Variants in SOCS6 observed in about 807,000 individuals in gnomAD.
The protein encoded by SOCS6 is suppressor of cytokine signaling 6.
A neutral mutation model predicts 27.7 loss-of-function variants in SOCS6; 5 were observed. The observed-to-expected ratio is 0.18, with a 90% CI of 0.09 to 0.38. The LOEUF is 0.38. Among genes scored for constraint, SOCS6 ranks in the 10% least tolerant of loss-of-function variants. The probability of loss-of-function intolerance (pLI) is 1.00; values close to 1 mark genes in which losing one functional copy is unlikely to be tolerated. For synonymous variants in SOCS6, 271 were observed against 260.0 expected (o/e 1.04, Z -0.41); for missense variants, 595 against 688.1 (o/e 0.86, Z 1.51).
At chr18:70,322,398 T>G (rs1407977234) in intron 1 of SOCS6, among the ~76,000 whole-genome samples, 1 of 152,222 alleles carries the variant, frequency 6.6e-6, no homozygotes, top group Non-Finnish European at 1.5e-5. Context: ...TCTTTAATAT[T>G]AGTATTGATT....
intron 1 of SOCS6, among the ~76,000 whole-genome samples, chr18:70,293,655 ACAGTCTCT>A (rs1339099229): frequency 6.6e-6 from 1 of 152,204 alleles, no homozygotes; most frequent in Non-Finnish European, 1.5e-5. Context: ...ACTAAGGAAG[ACAGTCTCT>A]CATGGGGATG....
intron 1 of SOCS6, among the ~76,000 whole-genome samples, chr18:70,307,179 C>G (rs949981578): frequency 3.9e-5 from 6 of 152,164 alleles, no homozygotes; most frequent in African/African-American, 1.4e-4. Context: ...GGGAGGATCA[C>G]TTGAGCCTGA....
At position 70,303,818 on chromosome 18, in the gene SOCS6, A is replaced by G. The variant is rs1368724049; in HGVS notation, c.-127+14728A>G. Among the ~76,000 whole-genome samples the G allele has an allele frequency of 4.6e-5, 7 of 152,342 alleles. No homozygotes were observed. The South Asian group carries it at 1.2e-3, about 27-fold the overall frequency. On this transcript the variant is annotated intron_variant, in intron 1 of 1. Transcript: ENST00000397942. ...CTAATAATAATAAATTTTTTAAAAA[A>G]GACACTTTCAGGCAATCAATACAAC...
intron 1 of SOCS6, among the ~76,000 whole-genome samples, chr18:70,307,147 C>T (rs2062372846): frequency 6.6e-6 from 1 of 152,156 alleles, no homozygotes. Context: ...CCTGTAGTCC[C>T]AGCTATTTGG....
At chr18:70,291,556 C>T (rs188837856) in intron 1 of SOCS6, among the ~76,000 whole-genome samples, 85 of 152,296 alleles carry the variant, frequency 5.6e-4, no homozygotes, top group Middle Eastern at 3.4e-3. Context: ...AAAGTCCAAA[C>T]ATATAGATGG....
intron 1 of SOCS6, among the ~76,000 whole-genome samples, chr18:70,294,384 A>G (rs928689809): frequency 2.0e-5 from 3 of 151,656 alleles, no homozygotes; most frequent in Admixed American, 1.3e-4. Context: ...AGTTCCCTCA[A>G]TTTTTCTTTT....
intron 1 of SOCS6, among the ~76,000 whole-genome samples, chr18:70,315,469 A>ATT (rs1450572498): frequency 2.0e-5 from 3 of 152,258 alleles, no homozygotes; most frequent in African/African-American, 7.2e-5. Flanking sequence ...TTTTCATAGA[A>ATT]TTTTCAAAGT....
At chr18:70,294,522 A>T (rs899544787) in intron 1 of SOCS6, among the ~76,000 whole-genome samples, 3 of 152,196 alleles carry the variant, frequency 2.0e-5, no homozygotes, top group Non-Finnish European at 4.4e-5. Context: ...TTTAAAACAT[A>T]ATCTGACTAG....
intron 1 of SOCS6, among the ~76,000 whole-genome samples, chr18:70,308,757 G>A (rs765120706): frequency 6.6e-6 from 1 of 152,094 alleles, no homozygotes; most frequent in Non-Finnish European, 1.5e-5. Context: ...AAGTGCATAT[G>A]TGTTTACAAT....
rs1911216561 is a variant in SOCS6, at chr18:70,326,545, A to G, written c.*269A>G. 3 of 402,502 alleles carry G rather than the reference A, an allele frequency of 7.5e-6. No individual in the cohort carries two copies. The highest frequency in any genetic ancestry group is 1.4e-5 in the Non-Finnish European group (3 of 216,686). 24.9% of individuals were successfully genotyped at this position (402,502 alleles called of 1,614,324 possible). A position where few individuals can be genotyped will look rare whatever the true frequency, so the allele number is the denominator to read the frequency against. On this transcript the variant is annotated 3_prime_UTR_variant, in exon 2 of 2. Coordinates refer to ENST00000397942, the MANE Select transcript of SOCS6 (RefSeq NM_004232.4). ...AGAATAATCACAATGTGAATTATCA[A>G]ATTCTCCTCAATGCCCCCCCCGCCC...
chr18:70,318,740 A>G (rs1910866212), intron 1 of SOCS6, among the ~76,000 whole-genome samples: 1 of 152,120 alleles, frequency 6.6e-6, no homozygotes, highest in Non-Finnish European at 1.5e-5. Flanking sequence ...GTTTGAGACC[A>G]GCCTGGCCAA....
chr18:70,323,456 T>C (rs1911062464), intron 1 of SOCS6, among the ~76,000 whole-genome samples: 1 of 152,204 alleles, frequency 6.6e-6, no homozygotes, highest in Non-Finnish European at 1.5e-5. Flanking sequence ...TTTCTGGATA[T>C]AGAAGTAAAA....
intron 1 of SOCS6, among the ~76,000 whole-genome samples, chr18:70,302,830 G>A (rs2062354368): frequency 6.6e-6 from 1 of 152,082 alleles, no homozygotes; most frequent in Non-Finnish European, 1.5e-5. Flanking sequence ...AAGAGGAGGA[G>A]GCTGTCTAGG....
At chr18:70,299,401 C>G (rs1319226946) in intron 1 of SOCS6, among the ~76,000 whole-genome samples, 3 of 152,192 alleles carry the variant, frequency 2.0e-5, no homozygotes, top group African/African-American at 7.2e-5. Context: ...GTGCACGGAG[C>G]AAGCACGGGG....
chr18:70,321,366 G>A (rs1410322533), intron 1 of SOCS6, among the ~76,000 whole-genome samples: 1 of 121,898 alleles, frequency 8.2e-6, no homozygotes, highest in African/African-American at 3.0e-5. Context: ...TGTTGCCCAG[G>A]CTGGAGTGCA....
chr18:70,321,633 C>T (rs1008295173), intron 1 of SOCS6, among the ~76,000 whole-genome samples: 5 of 151,826 alleles, frequency 3.3e-5, no homozygotes, highest in Non-Finnish European at 7.4e-5. Context: ...CCCCGCCTCT[C>T]GGTTTTATTT....
intron 1 of SOCS6, among the ~76,000 whole-genome samples, chr18:70,310,468 GTTTT>G (rs1306876861): frequency 9.6e-6 from 1 of 104,612 alleles, no homozygotes. Context: ...TTTTTGTGGG[GTTTT>G]TTTTTTTTTT....
At chr18:70,309,954 G>C (rs1600158273) in intron 1 of SOCS6, among the ~76,000 whole-genome samples, 3 of 152,290 alleles carry the variant, frequency 2.0e-5, no homozygotes, top group Middle Eastern at 3.4e-3. Context: ...CCAGAATGCT[G>C]GGTTTACAGG....
intron 1 of SOCS6, among the ~76,000 whole-genome samples, chr18:70,294,736 A>C (rs571144609): frequency 1.3e-5 from 2 of 152,342 alleles, no homozygotes; most frequent in Admixed American, 6.5e-5. Context: ...CAGTGTTAGC[A>C]GCAATTGCCT....
Sources: gnomAD v4.1 joint callset for allele counts (sites outside exome capture counted in the v4.1 genomes callset) on GRCh38, gnomAD v4.1.1 for gene constraint, MANE v1.5 for transcripts, NCBI Gene and HGNC (gene_info 2026-07-23, HGNC 2026-07-21) for gene names.